Variants in BAZ2B observed in about 807,000 individuals in gnomAD.
BAZ2B encodes bromodomain adjacent to zinc finger domain 2B, also known as bromodomain adjacent to zinc finger domain protein 2B.
BAZ2B carries 91 observed loss-of-function variants against 246.0 expected under a neutral mutation model. The ratio of observed to expected loss-of-function variants is 0.37; its 90% CI spans 0.31 to 0.44. The LOEUF is 0.44. BAZ2B is among the 20% of genes least tolerant of loss of function. BAZ2B has a pLI of 1.00. For synonymous variants in BAZ2B, 855 were observed against 860.0 expected (o/e 0.99, Z 0.10); for missense variants, 2,332 against 2,533.7 (o/e 0.92, Z 1.71).
In BAZ2B at chr2:159,598,222, G is replaced by C. The variant is rs1691232322; in HGVS notation, c.-46+18020C>G. On this transcript the variant is annotated intron_variant, in intron 1 of 36. Coordinates refer to ENST00000392783, the MANE Select transcript of BAZ2B (RefSeq NM_013450.4). ...TTGGCCAGGCTGGTCTTGAACTCCT[G>C]ATCTTGTGATCCACCCACCTCAGCC... Among the ~76,000 whole-genome samples, 2 of 151,900 alleles carry C rather than the reference G, an allele frequency of 1.3e-5. 1 individual carries two copies. Among genetic ancestry groups the C allele is most frequent in the South Asian group, 4.2e-4 (2 of 4,810 alleles).
chr2:159,428,024 T>C lies in BAZ2B; in HGVS notation c.2383A>G (p.Ile795Val). Reference sequence around the variant, plus strand: ...AAATTGTCCCTTGAGATATCCATTATTCCATTTCTGCTGAGATACTGAAAA... The same window carrying C: ...AAATTGTCCCTTGAGATATCCATTACTCCATTTCTGCTGAGATACTGAAAA... Reference protein sequence around the residue: ...EVIKYLSRNGIMDISRDNFSF... With the variant: ...EVIKYLSRNGVMDISRDNFSF... The change falls in exon 13 of 37, where the codon ATA (isoleucine) becomes GTA (valine). Residue 795 changes from isoleucine (I) to valine (V), a missense_variant. By Grantham distance (29) the Ile-to-Val change is conservative. Transcript: ENST00000392783. The C allele has an allele frequency of 6.2e-7, 1 of 1,613,316 alleles. No homozygotes were observed. Among genetic ancestry groups the C allele is most frequent in the Non-Finnish European group, 8.5e-7 (1 of 1,179,408 alleles).
At chr2:159,362,947 A>G (rs989884368) in intron 27 of BAZ2B, among the ~76,000 whole-genome samples, 1 of 152,170 alleles carries the variant, frequency 6.6e-6, no homozygotes, top group African/African-American at 2.4e-5. Flanking sequence ...ATGTGAAGCC[A>G]GTTACTGTGA....
chr2:159,327,652 A>G (rs6717235), intron 34 of BAZ2B, among the ~76,000 whole-genome samples: 144,839 of 152,294 alleles, frequency 0.95, 69,322 homozygotes, highest in East Asian at 1. Flanking sequence ...AGATTAAATA[A>G]CTGTGTTACT....
In BAZ2B at chr2:159,463,227, A is replaced by G. The variant is rs571172386; in HGVS notation, c.146-9426T>C. On this transcript the variant is annotated intron_variant, in intron 3 of 36. Transcript: ENST00000392783. ...TAGCAGCTATGCATACCTTCTCCTT[A>G]TCCAACACACAATCATTGAAGTTGG... is the stretch of plus-strand genomic sequence containing the variant. 808 of 473,648 alleles carry G rather than the reference A, an allele frequency of 1.7e-3. 2 individuals are homozygous for G. The highest frequency in any genetic ancestry group is 2.6e-3 in the Non-Finnish European group (633 of 245,994). The allele number at this position is 473,648 out of a possible 1,614,324, so 29.3% of individuals were successfully genotyped here.
At chr2:159,345,438 C>G (rs2067621139) in intron 31 of BAZ2B, among the ~76,000 whole-genome samples, 1 of 152,114 alleles carries the variant, frequency 6.6e-6, no homozygotes. Context: ...ACCATGTACT[C>G]CATGATACTG....
intron 23 of BAZ2B, among the ~76,000 whole-genome samples, chr2:159,384,549 A>G (rs1350056939): frequency 6.6e-6 from 1 of 152,142 alleles, no homozygotes; most frequent in East Asian, 1.9e-4. Flanking sequence ...CAAGGACAAG[A>G]TGAACATGAA....
At chr2:159,462,795 T>G (rs1340521823) in intron 3 of BAZ2B, 1 of 1,420,908 alleles carries the variant, frequency 7.0e-7, no homozygotes, top group Non-Finnish European at 1.0e-6. Context: ...CATGCAATAA[T>G]AGTCTGTTGC....
At chr2:159,338,720 C>T (rs139718540) in intron 31 of BAZ2B, among the ~76,000 whole-genome samples, 1 of 152,282 alleles carries the variant, frequency 6.6e-6, no homozygotes, top group Admixed American at 6.5e-5. Context: ...CTTTCCAATC[C>T]TCGTGCTCTG....
intron 2 of BAZ2B, among the ~76,000 whole-genome samples, chr2:159,544,623 AAG>A (rs2151404647): frequency 6.6e-6 from 1 of 152,324 alleles, no homozygotes; most frequent in South Asian, 2.1e-4. Context: ...TGCAATTTAA[AAG>A]AGAGGTCTGG....
chr2:159,529,895 A>G (rs1436583959), intron 2 of BAZ2B, among the ~76,000 whole-genome samples: 1 of 152,184 alleles, frequency 6.6e-6, no homozygotes, highest in African/African-American at 2.4e-5. Flanking sequence ...ATTCATTGAT[A>G]AAAACAGTAT....
At chr2:159,432,074 C>T (rs2071226640) in intron 9 of BAZ2B, among the ~76,000 whole-genome samples, 1 of 152,074 alleles carries the variant, frequency 6.6e-6, no homozygotes, top group Non-Finnish European at 1.5e-5. Flanking sequence ...TTTTCCTATT[C>T]ATATTAGCTG....
At chr2:159,324,769 G>T in intron 36 of BAZ2B, 42 bp downstream of exon 36, 1 of 1,338,802 alleles carries the variant, frequency 7.5e-7, no homozygotes, top group South Asian at 1.6e-5. Flanking sequence ...GCATATATCA[G>T]GTATTCAATA....
Position 159,348,843 on chromosome 2 carries a change from G to C in BAZ2B, c.5138-10C>G, listed in dbSNP as rs768638575. 1.9e-6 allele frequency: 3 copies of C among 1,582,950 alleles called. No individual in the cohort carries two copies. The highest frequency in any genetic ancestry group is 1.7e-6 in the Non-Finnish European group (2 of 1,172,080). ...CAACCAAACTGCATTTCTAAGTCAAGATAAATAAGTAGAACTTTTACAAAT... is the reference window on the plus strand; with the variant it reads ...CAACCAAACTGCATTTCTAAGTCAACATAAATAAGTAGAACTTTTACAAAT... On this transcript the variant is annotated splice_polypyrimidine_tract_variant and intron_variant, in intron 29 of 36. Transcript: ENST00000392783.
At chr2:159,675,230 A>T in the BAZ2B span, among the ~76,000 whole-genome samples, 2 of 152,248 alleles carry the variant, frequency 1.3e-5, no homozygotes, top group South Asian at 4.2e-4. Flanking sequence ...AAGTAAATTA[A>T]AGAGGCAATA....
chr2:159,632,691 T>C, the BAZ2B span, among the ~76,000 whole-genome samples: 1 of 152,164 alleles, frequency 6.6e-6, no homozygotes, highest in Non-Finnish European at 1.5e-5. Flanking sequence ...GTGGTGCTGA[T>C]AAACTTAAGA....
At chr2:159,564,127 G>A (rs1378592021) in intron 1 of BAZ2B, among the ~76,000 whole-genome samples, 1 of 152,150 alleles carries the variant, frequency 6.6e-6, no homozygotes, top group Non-Finnish European at 1.5e-5. Context: ...TGAAATGACA[G>A]CAAGGAGGTA....
chr2:159,596,917 T>C (rs144007355), intron 1 of BAZ2B, among the ~76,000 whole-genome samples: 68 of 152,348 alleles, frequency 4.5e-4, no homozygotes, highest in African/African-American at 1.4e-3. Flanking sequence ...TACTCAGAAG[T>C]GGGACTGCTG....
chr2:159,530,247 T>A (rs1451094337), intron 2 of BAZ2B, among the ~76,000 whole-genome samples: 1 of 152,218 alleles, frequency 6.6e-6, no homozygotes, highest in Non-Finnish European at 1.5e-5. Context: ...ACTTTTGCAA[T>A]TGTTAAGTGC....
At chr2:159,600,958 A>G (rs1385281470) in intron 1 of BAZ2B, among the ~76,000 whole-genome samples, 1 of 152,204 alleles carries the variant, frequency 6.6e-6, no homozygotes, top group Admixed American at 6.5e-5. Context: ...CACAAAACTC[A>G]TAATCCACAG....
Sources: gnomAD v4.1 joint callset for allele counts (sites outside exome capture counted in the v4.1 genomes callset) on GRCh38, gnomAD v4.1.1 for gene constraint, MANE v1.5 for transcripts, NCBI Gene and HGNC (gene_info 2026-07-23, HGNC 2026-07-21) for gene names.